The following JPH3 variants were observed in gnomAD, a reference collection of about 807,000 sequenced individuals.
The protein encoded by JPH3 is junctophilin-3.
Under a neutral mutation model 59.6 loss-of-function variants are expected in JPH3, and 11 were observed. The observed-to-expected ratio is 0.18, with a 90% CI of 0.12 to 0.31. JPH3 has a LOEUF of 0.31. Among genes scored for constraint, JPH3 ranks in the 10% least tolerant of loss-of-function variants. JPH3 has a pLI of 1.00. For missense variants in JPH3, 1,202 were observed against 1,105.7 expected, an observed-to-expected ratio of 1.09 and a Z score of -1.24; for synonymous variants, 673 against 483.6, an observed-to-expected ratio of 1.39 and a Z score of -5.14.
Position 87,603,010 on chromosome 16 carries a change from G to A in JPH3, c.-137G>A. On this transcript the variant is annotated 5_prime_UTR_variant, in exon 1 of 5. Transcript: ENST00000284262. The stretch of plus-strand genomic sequence containing the variant: ...CGGCGCCGCGGCCGCCCGCGCCCGA[G>A]ACCGCGCTCCGGGGCCGCGTCCTCC... 1 of 1,107,918 alleles carries A rather than the reference G, an allele frequency of 9.0e-7. No individual in the cohort carries two copies. The highest frequency in any genetic ancestry group is 1.3e-6 in the Non-Finnish European group (1 of 798,464). The allele number at this position is 1,107,918 out of a possible 1,614,324, so 68.6% of individuals were successfully genotyped here.
intron 2 of JPH3, among the ~76,000 whole-genome samples, chr16:87,658,242 C>T (rs78159453): frequency 0.015 from 2,247 of 152,246 alleles, 53 homozygotes; most frequent in African/African-American, 0.05. Context: ...AAACAGTGCA[C>T]GGCATTTGCA....
intron 2 of JPH3, among the ~76,000 whole-genome samples, chr16:87,677,358 G>C (rs1012194663): frequency 2.6e-5 from 4 of 152,032 alleles, no homozygotes; most frequent in African/African-American, 9.7e-5. Context: ...ACTGCAGCCT[G>C]GGTGACAGAG....
intron 1 of JPH3, among the ~76,000 whole-genome samples, chr16:87,642,574 C>T (rs1422168346): frequency 1.3e-5 from 2 of 152,228 alleles, no homozygotes; most frequent in Non-Finnish European, 2.9e-5. Context: ...GCAGCCTGTG[C>T]CACCGTGAGT....
chr16:87,670,861 A>G (rs1234184509), intron 2 of JPH3, among the ~76,000 whole-genome samples: 1 of 132,304 alleles, frequency 7.6e-6, no homozygotes, highest in Non-Finnish European at 1.7e-5. Flanking sequence ...GTATGGGGGA[A>G]TGGGGACGGG....
chr16:87,619,850 C>CAA (rs1439209310), intron 1 of JPH3, among the ~76,000 whole-genome samples: 1 of 152,108 alleles, frequency 6.6e-6, no homozygotes, highest in African/African-American at 2.4e-5. Context: ...GGATGGGGCG[C>CAA]AAGGAAGGGG....
rs987061333 is a variant in JPH3 at position 87,602,534 on chromosome 16, A to ACGC, written c.-602_-600dup. ...AGCGCGCGAGCCGGGCCCGGAGCGCACGCCGCCGCCGCCACCGCCGCCGCC... is the reference window on the plus strand; with the variant it reads ...AGCGCGCGAGCCGGGCCCGGAGCGCACGCCGCCGCCGCCGCCACCGCCGCCGCC... On this transcript the variant is annotated 5_prime_UTR_variant, in exon 1 of 5. Coordinates refer to ENST00000284262, the MANE Select transcript of JPH3 (RefSeq NM_020655.4). Among the ~76,000 whole-genome samples the ACGC allele has an allele frequency of 2.3e-5, 3 of 132,194 alleles. No homozygotes were observed. Among genetic ancestry groups the ACGC allele is most frequent in the African/African-American group, 8.2e-5 (3 of 36,526 alleles). The allele number at this position is 132,194 out of a possible 152,430, so 86.7% of individuals were successfully genotyped here.
intron 1 of JPH3, among the ~76,000 whole-genome samples, chr16:87,632,624 G>A (rs1024065347): frequency 2.0e-5 from 3 of 152,244 alleles, no homozygotes; most frequent in Non-Finnish European, 4.4e-5. Flanking sequence ...TGGGTGCAGC[G>A]ACTCACGCCT....
At chr16:87,674,562 C>T (rs1381936773) in intron 2 of JPH3, among the ~76,000 whole-genome samples, 2 of 152,122 alleles carry the variant, frequency 1.3e-5, no homozygotes, top group Admixed American at 1.3e-4. Flanking sequence ...AGAGCATAAC[C>T]CCATTTGTGC....
chr16:87,684,115 CCT>C (rs772319532), intron 2 of JPH3, 25 bp from the exon 3 acceptor site: 1 of 1,599,304 alleles, frequency 6.3e-7, no homozygotes, highest in South Asian at 1.1e-5. Context: ...CCCTGCCCCC[CCT>C]CACGCTCCTC....
chr16:87,685,937 C>A (rs1278194569), intron 3 of JPH3, among the ~76,000 whole-genome samples: 1 of 152,192 alleles, frequency 6.6e-6, no homozygotes, highest in Non-Finnish European at 1.5e-5. Context: ...CATTATGGAA[C>A]AGACTTTGAG....
chr16:87,689,243 C>T (rs572497210), intron 3 of JPH3, among the ~76,000 whole-genome samples: 4 of 152,100 alleles, frequency 2.6e-5, no homozygotes, highest in Admixed American at 6.5e-5. Context: ...TGTGACAGCT[C>T]GGCCTCCCCA....
intron 2 of JPH3, among the ~76,000 whole-genome samples, chr16:87,664,297 C>T (rs757571704): frequency 4.2e-5 from 4 of 96,344 alleles, no homozygotes; most frequent in African/African-American, 6.5e-5. Context: ...CGCCACTGCA[C>T]CTCCAGCCTG....
chr16:87,653,218 C>G (rs1023433061), intron 2 of JPH3, among the ~76,000 whole-genome samples: 1 of 152,152 alleles, frequency 6.6e-6, no homozygotes, highest in Non-Finnish European at 1.5e-5. Context: ...TGTGTAAAAC[C>G]CAGGGTGATG....
At chr16:87,673,485 T>C (rs1372752017) in intron 2 of JPH3, among the ~76,000 whole-genome samples, 1 of 152,198 alleles carries the variant, frequency 6.6e-6, no homozygotes, top group East Asian at 1.9e-4. Flanking sequence ...ACAGCGGCAC[T>C]TCTGGAAGTA....
chr16:87,687,711 CATTCT>C (rs2033451806), intron 3 of JPH3, among the ~76,000 whole-genome samples: 2 of 152,232 alleles, frequency 1.3e-5, no homozygotes, highest in Non-Finnish European at 2.9e-5. Context: ...CTCAGCAGCT[CATTCT>C]AGCTGAGGGT....
chr16:87,636,887 GTGAC>G (rs763184032), intron 1 of JPH3, among the ~76,000 whole-genome samples: 4 of 152,232 alleles, frequency 2.6e-5, no homozygotes, highest in East Asian at 3.8e-4. Context: ...GCTCCGAGAT[GTGAC>G]TGACCTTCCC....
chr16:87,683,830 G>T, intron 2 of JPH3: 1 of 293,236 alleles, frequency 3.4e-6, no homozygotes, highest in South Asian at 5.5e-5. Flanking sequence ...GGTCGTGAAC[G>T]CCTGAGCTCA....
rs577354322 is a variant in JPH3, at chr16:87,673,816, C to G, written c.1161-10326C>G. Among the ~76,000 whole-genome samples, 113 of 151,980 alleles carry G rather than the reference C, an allele frequency of 7.4e-4. 2 individuals carry two copies. Among genetic ancestry groups the G allele is most frequent in the African/African-American group, 2.6e-3 (108 of 41,464 alleles). ...TGGCGGGCACCTGTAATCCCAGCTA[C>G]TTGGGAGGCTGAGGCAGAAGAATCG... On this transcript the variant is annotated intron_variant, in intron 2 of 4. Transcript: ENST00000284262.
rs1397466047 is a variant in JPH3, at chr16:87,642,231, G to T, written c.383-2027G>T. ...TGGTGTGGGGCGTGTGAGTGGAGGG[G>T]GCCTGGCTAGGGAAAGGGGGGGGGC... On this transcript the variant is annotated intron_variant, in intron 1 of 4. Transcript: ENST00000284262. Among the ~76,000 whole-genome samples the T allele has an allele frequency of 2.0e-5, 3 of 151,654 alleles. No individual in the cohort carries two copies. The East Asian group carries it at 5.9e-4, about 30-fold the overall frequency.
Sources: gnomAD v4.1 joint callset for allele counts (sites outside exome capture counted in the v4.1 genomes callset) on GRCh38, gnomAD v4.1.1 for gene constraint, MANE v1.5 for transcripts, NCBI Gene and HGNC (gene_info 2026-07-23, HGNC 2026-07-21) for gene names.